The following CDH12 variants were observed in gnomAD, a reference collection of about 807,000 sequenced individuals.
CDH12 encodes cadherin-12.
A neutral mutation model predicts 74.1 loss-of-function variants in CDH12; 41 were observed. The observed-to-expected ratio is 0.55, with a 90% CI of 0.43 to 0.72. CDH12 has a LOEUF of 0.72. CDH12 is among the 30% of genes least tolerant of loss of function. The probability of loss-of-function intolerance (pLI) is 0.00; values close to 1 mark genes in which losing one functional copy is unlikely to be tolerated. For synonymous variants in CDH12, 399 were observed against 355.0 expected, an observed-to-expected ratio of 1.12 and a Z score of -1.39; for missense variants, 945 against 977.2, an observed-to-expected ratio of 0.97 and a Z score of 0.44.
intron 4 of CDH12, among the ~76,000 whole-genome samples, chr5:22,098,879 A>G (rs1288964648): frequency 6.6e-6 from 1 of 152,168 alleles, no homozygotes; most frequent in Non-Finnish European, 1.5e-5. Context: ...AGGCTATGCT[A>G]TAGTACAAGC....
chr5:21,887,299 C>G (rs1388188358), intron 6 of CDH12, among the ~76,000 whole-genome samples: 1 of 151,970 alleles, frequency 6.6e-6, no homozygotes, highest in Admixed American at 6.6e-5. Flanking sequence ...GAAGTTTAAA[C>G]AAGATGTTTA....
At chr5:22,178,155 C>T (rs1749443730) in intron 4 of CDH12, among the ~76,000 whole-genome samples, 1 of 151,862 alleles carries the variant, frequency 6.6e-6, no homozygotes, top group Admixed American at 6.6e-5. Context: ...TGGTCATGCC[C>T]CTCTGCCCAG....
chr5:21,915,517 G>GA (rs1754046140), intron 6 of CDH12, among the ~76,000 whole-genome samples: 1 of 152,146 alleles, frequency 6.6e-6, no homozygotes, highest in South Asian at 2.1e-4. Context: ...TTTCTGATAA[G>GA]ATTGGTACTG....
At chr5:22,508,508 A>G (rs1262928572) in intron 1 of CDH12, among the ~76,000 whole-genome samples, 1 of 152,158 alleles carries the variant, frequency 6.6e-6, no homozygotes, top group Non-Finnish European at 1.5e-5. Context: ...TTTTTCTTCC[A>G]GGCCTTCCCA....
chr5:22,310,393 G>T (rs1051244344), intron 3 of CDH12, among the ~76,000 whole-genome samples: 1 of 151,472 alleles, frequency 6.6e-6, no homozygotes, highest in Non-Finnish European at 1.5e-5. Flanking sequence ...ACCCAGGGAG[G>T]CAGAGGTTGC....
At chr5:22,494,021 G>A (rs1290949057) in intron 2 of CDH12, among the ~76,000 whole-genome samples, 1 of 152,180 alleles carries the variant, frequency 6.6e-6, no homozygotes, top group Non-Finnish European at 1.5e-5. Flanking sequence ...TCTGGGCAGA[G>A]TGTGATCATG....
At chr5:22,526,797 G>A (rs1363706099) in intron 1 of CDH12, among the ~76,000 whole-genome samples, 1 of 152,124 alleles carries the variant, frequency 6.6e-6, no homozygotes, top group African/African-American at 2.4e-5. Context: ...ATTTTCCTAG[G>A]TAGAAGCAGT....
At chr5:22,736,558 GTTTTT>G (rs142148882) in intron 1 of CDH12, among the ~76,000 whole-genome samples, 6 of 149,174 alleles carry the variant, frequency 4.0e-5, no homozygotes, top group African/African-American at 1.5e-4. Flanking sequence ...TAGAGTCAGC[GTTTTT>G]TTTTACTTGA....
intron 1 of CDH12, among the ~76,000 whole-genome samples, chr5:22,706,986 G>T (rs1356517002): frequency 6.6e-6 from 1 of 152,046 alleles, no homozygotes; most frequent in East Asian, 1.9e-4. Flanking sequence ...CACATCTAAG[G>T]ATTCAAGTGC....
intron 3 of CDH12, among the ~76,000 whole-genome samples, chr5:22,248,160 C>T (rs1431078647): frequency 5.3e-5 from 8 of 151,972 alleles, no homozygotes; most frequent in Admixed American, 1.3e-4. Flanking sequence ...ATTAGCTGGG[C>T]GTGGTAGTGC....
intron 7 of CDH12, among the ~76,000 whole-genome samples, chr5:21,848,658 A>G (rs1021002514): frequency 1.3e-5 from 2 of 151,968 alleles, no homozygotes; most frequent in African/African-American, 4.8e-5. Context: ...TTGAAAGACA[A>G]GAAGAGTTAT....
chr5:22,818,433 C>T (rs1449539647), intron 1 of CDH12, among the ~76,000 whole-genome samples: 1 of 152,024 alleles, frequency 6.6e-6, no homozygotes, highest in East Asian at 1.9e-4. Flanking sequence ...CTTTCACTTG[C>T]CTCCAAGAAA....
intron 1 of CDH12, among the ~76,000 whole-genome samples, chr5:22,810,905 ATGTGTG>A (rs113641421): frequency 4.4e-4 from 65 of 146,858 alleles, no homozygotes; most frequent in Middle Eastern, 3.3e-3. Flanking sequence ...AAACAAATAT[ATGTGTG>A]TGTGTGTGTG....
At chr5:22,503,809 GCT>G (rs1479702539) in intron 2 of CDH12, among the ~76,000 whole-genome samples, 1 of 151,990 alleles carries the variant, frequency 6.6e-6, no homozygotes, top group Non-Finnish European at 1.5e-5. Context: ...ATGTTTTAAT[GCT>G]CTGTTATGCT....
At chr5:22,228,192 C>T (rs1158575523) in intron 3 of CDH12, among the ~76,000 whole-genome samples, 1 of 151,626 alleles carries the variant, frequency 6.6e-6, no homozygotes, top group African/African-American at 2.4e-5. Flanking sequence ...AATAATGGTA[C>T]CGATTATTTA....
chr5:22,537,278 C>G (rs1737893713), intron 1 of CDH12, among the ~76,000 whole-genome samples: 2 of 152,106 alleles, frequency 1.3e-5, no homozygotes, highest in Admixed American at 6.5e-5. Flanking sequence ...ATTGGCAATA[C>G]CTTGAAGAGT....
intron 3 of CDH12, among the ~76,000 whole-genome samples, chr5:22,268,905 G>A (rs1408081741): frequency 6.6e-6 from 1 of 152,068 alleles, no homozygotes; most frequent in Non-Finnish European, 1.5e-5. Flanking sequence ...TCTATGAGGA[G>A]TGAGTAAATG....
intron 4 of CDH12, among the ~76,000 whole-genome samples, chr5:22,093,271 G>A (rs754348883): frequency 1.3e-5 from 2 of 152,058 alleles, no homozygotes; most frequent in Admixed American, 1.3e-4. Flanking sequence ...CTACTTGTTT[G>A]GACTATTTTT....
At position 21,940,862 on chromosome 5, in the gene CDH12, A is replaced by T. The variant is rs185533264; in HGVS notation, c.526+34229T>A. Among the ~76,000 whole-genome samples the T allele has an allele frequency of 7.7e-3, 1,171 of 151,912 alleles. 7 individuals carry two copies. Among genetic ancestry groups the T allele is most frequent in the African/African-American group, 0.02 (824 of 41,402 alleles). The stretch of plus-strand genomic sequence containing the variant: ...CTGTTTCTCTCTCTCTCTCTCTCAC[A>T]CACACACACACAGTCCTTTACAATT... On this transcript the variant is annotated intron_variant, in intron 6 of 14. Coordinates refer to ENST00000382254, the MANE Select transcript of CDH12 (RefSeq NM_004061.5).
Sources: gnomAD v4.1 joint callset for allele counts (sites outside exome capture counted in the v4.1 genomes callset) on GRCh38, gnomAD v4.1.1 for gene constraint, MANE v1.5 for transcripts, NCBI Gene and HGNC (gene_info 2026-07-23, HGNC 2026-07-21) for gene names.